The following TG variants were observed in gnomAD, a reference collection of about 807,000 sequenced individuals.
TG encodes thyroid hormones.
A neutral mutation model predicts 324.7 loss-of-function variants in TG; 270 were observed. That is an observed-to-expected ratio of 0.83 (90% CI 0.75 to 0.92). TG has a LOEUF of 0.92. TG is among the 40% of genes least tolerant of loss of function. The pLI, the probability that TG is intolerant of heterozygous loss-of-function variation, is 0.00. For synonymous variants in TG, 1,401 were observed against 1,327.0 expected (o/e 1.06, Z -1.21); for missense variants, 3,591 against 3,456.4 (o/e 1.04, Z -0.98).
At chr8:132,983,295 C>T in intron 34 of TG, 55 bp from the exon 35 acceptor site, 1 of 1,574,262 alleles carries the variant, frequency 6.4e-7, no homozygotes, top group Non-Finnish European at 8.7e-7. Flanking sequence ...GCCTTCTGAA[C>T]TCGATGATAC....
intron 35 of TG, chr8:132,988,553 G>A (rs1178724228): frequency 2.1e-5 from 5 of 241,630 alleles, no homozygotes; most frequent in Non-Finnish European, 3.3e-5. Context: ...GTGTTTTGGT[G>A]GATGACTAGC....
chr8:132,962,220 A>C (rs1404992273), intron 28 of TG, among the ~76,000 whole-genome samples: 7 of 152,140 alleles, frequency 4.6e-5, no homozygotes, highest in Admixed American at 3.9e-4. Flanking sequence ...TAAAGAGATA[A>C]AATGAGATTA....
intron 41 of TG, among the ~76,000 whole-genome samples, chr8:133,052,970 GC>G (rs201116082): frequency 0.018 from 2,672 of 152,238 alleles, 38 homozygotes; most frequent in Non-Finnish European, 0.028. Flanking sequence ...TGGACTAATG[GC>G]CCCCACATAT....
chr8:132,945,617 T>A (rs1412335973), intron 26 of TG, among the ~76,000 whole-genome samples: 1 of 152,052 alleles, frequency 6.6e-6, no homozygotes, highest in Non-Finnish European at 1.5e-5. Context: ...AATGTGTGGA[T>A]ATGAATGCAG....
chr8:132,957,669 G>A (rs997499183), intron 27 of TG, among the ~76,000 whole-genome samples: 4 of 151,392 alleles, frequency 2.6e-5, no homozygotes, highest in East Asian at 1.9e-4. Flanking sequence ...AGGGGCAGGC[G>A]TGGGGATGTG....
intron 2 of TG, 106 bp downstream of exon 2, chr8:132,868,329 T>C (rs1180617425): frequency 9.5e-7 from 1 of 1,053,446 alleles, no homozygotes; most frequent in Non-Finnish European, 1.4e-6. Flanking sequence ...CCTTTGTGCA[T>C]GTGAGGCTTG....
chr8:132,867,875 G>T (rs556412681), intron 1 of TG, among the ~76,000 whole-genome samples: 7 of 152,286 alleles, frequency 4.6e-5, no homozygotes, highest in African/African-American at 7.2e-5. Context: ...TTCGCTGCCT[G>T]AGACTTGGTG....
Position 132,888,481 on chromosome 8 carries a change from C to T in TG, c.2674C>T (p.His892Tyr). 1 of 1,610,420 alleles carries T rather than the reference C, an allele frequency of 6.2e-7. No homozygotes were observed. Among genetic ancestry groups the T allele is most frequent in the South Asian group, 1.1e-5 (1 of 90,156 alleles). Reference protein sequence around the residue: ...SYSDFSTPLAHFDLRNCWCVD... With the variant: ...SYSDFSTPLAYFDLRNCWCVD... ...CTCAGACTTCAGCACTCCTTTGGCA[C>T]ATTTTGATCTTCGGAACTGCTGGTG... Residue 892 changes from histidine to tyrosine, a missense_variant, in exon 10 of 48, where the codon CAT (histidine) becomes TAT (tyrosine). Coordinates refer to ENST00000220616, the MANE Select transcript of TG (RefSeq NM_003235.5).
chr8:133,115,899 G>A (rs1233079802), intron 44 of TG, among the ~76,000 whole-genome samples: 1 of 152,172 alleles, frequency 6.6e-6, no homozygotes, highest in East Asian at 1.9e-4. Context: ...ATATAACTTA[G>A]GGAGATTTCT....
At position 132,967,971 on chromosome 8, in the gene TG, G is replaced by A. The variant is rs1327270813; in HGVS notation, c.5863+1G>A. ...CCAAAGGCCCTGTTCCGGAAGAAAG[G>A]TGAGCACTTGGAGAGATCTGCATAA... On this transcript the variant is annotated splice_donor_variant, in intron 31 of 47. Coordinates refer to ENST00000220616, the MANE Select transcript of TG (RefSeq NM_003235.5). LOFTEE classifies it high-confidence loss of function. 4.3e-6 allele frequency: 7 copies of A among 1,613,280 alleles called. No individual in the cohort carries two copies. Among genetic ancestry groups the A allele is most frequent in the Non-Finnish European group, 5.9e-6 (7 of 1,179,718 alleles).
At chr8:132,871,803 C>T (rs1039720701) in intron 4 of TG, among the ~76,000 whole-genome samples, 8 of 152,196 alleles carry the variant, frequency 5.3e-5, no homozygotes, top group South Asian at 4.1e-4. Context: ...CTGTTGCAGA[C>T]CTGAGTCACT....
At chr8:133,041,631 A>C (rs778170764) in intron 41 of TG, among the ~76,000 whole-genome samples, 2 of 152,178 alleles carry the variant, frequency 1.3e-5, no homozygotes, top group Non-Finnish European at 2.9e-5. Flanking sequence ...ACACTCCGTG[A>C]GTGTCCTTCC....
At chr8:132,931,314 C>T (rs1822685520) in intron 23 of TG, among the ~76,000 whole-genome samples, 1 of 152,222 alleles carries the variant, frequency 6.6e-6, no homozygotes. Context: ...CAGTCACATT[C>T]TGTGGTGCTT....
chr8:132,893,947 C>T lies in TG; in HGVS notation c.3001+18C>T. The T allele has an allele frequency of 6.2e-7, 1 of 1,614,014 alleles. No homozygotes were observed. The highest frequency in any genetic ancestry group is 1.1e-5 in the South Asian group (1 of 91,072). ...TCAGTCTAGTGAGTGTGGTGCCCTT[C>T]AGCTTTCTTACTGCATCGCTTTGGA... On this transcript the variant is annotated intron_variant, in intron 11 of 47. Coordinates refer to ENST00000220616, the MANE Select transcript of TG (RefSeq NM_003235.5).
At position 132,882,801 on chromosome 8, in the gene TG, G is replaced by A. The variant is rs567414321; in HGVS notation, c.890-13G>A. 2 of 1,614,184 alleles carry A rather than the reference G, an allele frequency of 1.2e-6. No homozygotes were observed. Among genetic ancestry groups the A allele is most frequent in the Non-Finnish European group, 1.7e-6 (2 of 1,180,032 alleles). ...GTTGACACTGTCTTCTTTACTGTGT[G>A]GATTTCCTCTAGGCCCCACAAAATG... On this transcript the variant is annotated splice_polypyrimidine_tract_variant and intron_variant, in intron 7 of 47. Transcript: ENST00000220616.
intron 35 of TG, among the ~76,000 whole-genome samples, chr8:133,011,630 G>A (rs190116573): frequency 4.6e-5 from 7 of 152,196 alleles, no homozygotes; most frequent in African/African-American, 1.7e-4. Flanking sequence ...TCTACTATGA[G>A]CTGCTTAATA....
chr8:133,093,680 G>A (rs963206330), intron 41 of TG, among the ~76,000 whole-genome samples: 1 of 152,122 alleles, frequency 6.6e-6, no homozygotes, highest in African/African-American at 2.4e-5. Context: ...TCTGACCCTA[G>A]CCACATGTCC....
chr8:133,070,027 G>A (rs61259962), intron 41 of TG, among the ~76,000 whole-genome samples: 32,361 of 55,900 alleles, frequency 0.58, 8,840 homozygotes, highest in African/African-American at 0.7. Flanking sequence ...AAAAAAAAAA[G>A]AAAGAAAGAA....
chr8:132,952,892 A>T (rs1465310061), intron 27 of TG, among the ~76,000 whole-genome samples: 2 of 152,232 alleles, frequency 1.3e-5, no homozygotes, highest in East Asian at 3.9e-4. Context: ...AGCTTAGGAG[A>T]CCAGTGCTAT....
Sources: gnomAD v4.1 joint callset for allele counts (sites outside exome capture counted in the v4.1 genomes callset) on GRCh38, gnomAD v4.1.1 for gene constraint, MANE v1.5 for transcripts, NCBI Gene and HGNC (gene_info 2026-07-23, HGNC 2026-07-21) for gene names.